MARK1: variants seen among roughly 807,000 people sequenced by gnomAD.
The protein encoded by MARK1 is serine/threonine-protein kinase MARK1.
A neutral mutation model predicts 96.3 loss-of-function variants in MARK1; 40 were observed. The observed-to-expected ratio is 0.42, with a 90% CI of 0.32 to 0.54. MARK1 has a LOEUF of 0.54. Ranked by LOEUF, MARK1 falls within the 20% of genes least tolerant of loss-of-function variation. MARK1 has a pLI of 0.16. For synonymous variants in MARK1, 317 were observed against 341.2 expected, an observed-to-expected ratio of 0.93 and a Z score of 0.78; for missense variants, 719 against 984.6, an observed-to-expected ratio of 0.73 and a Z score of 3.61.
chr1:220,556,649 A>C (rs1375880332), intron 1 of MARK1, among the ~76,000 whole-genome samples: 2 of 152,160 alleles, frequency 1.3e-5, no homozygotes, highest in African/African-American at 4.8e-5. Context: ...TTGTTTAAAA[A>C]GTTTTAAAGG....
chr1:220,581,188 G>A, intron 3 of MARK1, 70 bp downstream of exon 3: 1 of 510,254 alleles, frequency 2.0e-6, no homozygotes, highest in Non-Finnish European at 3.2e-6. Flanking sequence ...TGTAAAATCA[G>A]TCATTCTAAA....
intron 3 of MARK1, among the ~76,000 whole-genome samples, chr1:220,594,242 A>G (rs903507857): frequency 6.6e-6 from 1 of 152,230 alleles, no homozygotes; most frequent in Non-Finnish European, 1.5e-5. Flanking sequence ...CATCAAAGAA[A>G]TTATATAGAT....
intron 1 of MARK1, among the ~76,000 whole-genome samples, chr1:220,540,273 T>C (rs1291494949): frequency 6.6e-6 from 1 of 152,218 alleles, no homozygotes; most frequent in African/African-American, 2.4e-5. Context: ...AGTCTGTGTC[T>C]GAAAGCCCAA....
chr1:220,594,556 A>G (rs1223204250), intron 3 of MARK1, among the ~76,000 whole-genome samples: 1 of 152,224 alleles, frequency 6.6e-6, no homozygotes, highest in Non-Finnish European at 1.5e-5. Context: ...ACGTCCACAC[A>G]GAAACTTGCA....
intron 13 of MARK1, among the ~76,000 whole-genome samples, chr1:220,639,937 C>T (rs950052338): frequency 2.0e-5 from 3 of 152,140 alleles, no homozygotes; most frequent in Non-Finnish European, 4.4e-5. Flanking sequence ...CATTTGTTTT[C>T]AATTTGCATT....
intron 1 of MARK1, among the ~76,000 whole-genome samples, chr1:220,554,836 T>C (rs963109321): frequency 3.3e-5 from 5 of 152,190 alleles, no homozygotes; most frequent in African/African-American, 1.2e-4. Context: ...TGAGTGGAGA[T>C]GTAGTGGGAA....
chr1:220,562,653 G>C (rs1662753229), intron 1 of MARK1, among the ~76,000 whole-genome samples: 1 of 152,034 alleles, frequency 6.6e-6, no homozygotes. Flanking sequence ...CTCCATGTCT[G>C]TGGGGATTGG....
At chr1:220,566,875 G>C (rs1405974927) in intron 1 of MARK1, among the ~76,000 whole-genome samples, 5 of 152,028 alleles carry the variant, frequency 3.3e-5, no homozygotes, top group African/African-American at 9.7e-5. Flanking sequence ...TTGTAAGCTT[G>C]AGAAACTGGT....
chr1:220,620,158 T>C (rs1197169309), intron 9 of MARK1, among the ~76,000 whole-genome samples: 1 of 152,222 alleles, frequency 6.6e-6, no homozygotes, highest in Admixed American at 6.5e-5. Context: ...GAATTATTTG[T>C]TTAAATGTGA....
intron 1 of MARK1, among the ~76,000 whole-genome samples, chr1:220,568,340 C>G (rs1198849865): frequency 2.0e-5 from 3 of 152,072 alleles, no homozygotes; most frequent in Non-Finnish European, 4.4e-5. Context: ...AAACTGATAT[C>G]TGAGAGAAGA....
At chr1:220,581,024 A>G (rs1477632550) in intron 2 of MARK1, 41 bp from the exon 3 acceptor site, 5 of 814,430 alleles carry the variant, frequency 6.1e-6, no homozygotes, top group Non-Finnish European at 7.2e-6. Context: ...TCATTAAAAT[A>G]TGCATTTTTC....
intron 3 of MARK1, among the ~76,000 whole-genome samples, chr1:220,585,225 A>T (rs1664517101): frequency 6.6e-6 from 1 of 152,222 alleles, no homozygotes; most frequent in Non-Finnish European, 1.5e-5. Context: ...ATTAGTGGTC[A>T]GCAAAATGCT....
chr1:220,537,494 A>C (rs1426869374), intron 1 of MARK1, among the ~76,000 whole-genome samples: 1 of 150,310 alleles, frequency 6.7e-6, no homozygotes, highest in East Asian at 1.9e-4. Context: ...TCATTGTTGG[A>C]CATTTGGGTT....
chr1:220,618,283 T>C lies in MARK1; in HGVS notation c.553-27T>C, dbSNP rs1448483133. On this transcript the variant is annotated intron_variant, in intron 7 of 17. Transcript: ENST00000366917. The surrounding 1 kb of genome is among the most constrained non-coding windows in gnomAD (Gnocchi z 4.6). ...TTTTATTTTATGTAGGCTTTTTACATTGTTCTTTCTATTATTTTCCTCTTA... is the reference window on the plus strand; with the variant it reads ...TTTTATTTTATGTAGGCTTTTTACACTGTTCTTTCTATTATTTTCCTCTTA... 3.7e-6 allele frequency: 5 copies of C among 1,364,804 alleles called. No individual in the cohort carries two copies. The highest frequency in any genetic ancestry group is 2.3e-5 in the East Asian group (1 of 43,640). The allele number at this position is 1,364,804 out of a possible 1,614,324, so 84.5% of individuals were successfully genotyped here.
Position 220,618,831 on chromosome 1 carries a change from T to G in MARK1, c.909+76T>G. 7 of 1,298,946 alleles carry G rather than the reference T, an allele frequency of 5.4e-6. No individual in the cohort carries two copies. Among genetic ancestry groups the G allele is most frequent in the Non-Finnish European group, 7.3e-6 (7 of 963,624 alleles). The allele number at this position is 1,298,946 out of a possible 1,614,324, so 80.5% of individuals were successfully genotyped here. On this transcript the variant is annotated intron_variant, in intron 9 of 17. Coordinates refer to ENST00000366917, the MANE Select transcript of MARK1 (RefSeq NM_018650.5). The surrounding 1 kb of genome is among the most constrained non-coding windows in gnomAD (Gnocchi z 4.6). Reference sequence around the variant, plus strand: ...CAGGAACCGAAGAGCATTTTTCTCCTATGTTTTCTTAGGAAAATTGCCAAA... The same window carrying G: ...CAGGAACCGAAGAGCATTTTTCTCCGATGTTTTCTTAGGAAAATTGCCAAA...
rs34036065 is a variant in MARK1 at position 220,658,411 on chromosome 1, AG to A, written c.2033+580del. On this transcript the variant is annotated intron_variant, in intron 17 of 17. Transcript: ENST00000366917. ...AAAAAGGTTGCTGGATCCCACTCCCAGGGTTTCTGATTCAGGGGCCGAGGCA... is the reference window on the plus strand; with the variant it reads ...AAAAAGGTTGCTGGATCCCACTCCCAGGTTTCTGATTCAGGGGCCGAGGCA... Among the ~76,000 whole-genome samples the A allele has an allele frequency of 2.6e-5, 4 of 152,284 alleles. No homozygotes were observed. The South Asian group carries it at 8.3e-4, about 32-fold the overall frequency.
intron 1 of MARK1, among the ~76,000 whole-genome samples, chr1:220,550,271 CT>C (rs1346634810): frequency 6.6e-6 from 1 of 152,136 alleles, no homozygotes; most frequent in Non-Finnish European, 1.5e-5. Flanking sequence ...CTTCTGTTGT[CT>C]TTTCTGAATC....
chr1:220,596,166 T>C (rs1043188570), intron 3 of MARK1, among the ~76,000 whole-genome samples: 39 of 152,152 alleles, frequency 2.6e-4, no homozygotes, highest in African/African-American at 9.2e-4. Flanking sequence ...AGGAGAAACA[T>C]GTAGAGTGAG....
At chr1:220,616,714 T>G (rs1666773029) in intron 7 of MARK1, among the ~76,000 whole-genome samples, 1 of 152,156 alleles carries the variant, frequency 6.6e-6, no homozygotes, top group Non-Finnish European at 1.5e-5. Flanking sequence ...TTCTGTATTT[T>G]AGCTTCATTT....
Sources: gnomAD v4.1 joint callset for allele counts (sites outside exome capture counted in the v4.1 genomes callset) on GRCh38, gnomAD v4.1.1 for gene constraint, Gnocchi (gnomAD v3.1) non-coding constraint, MANE v1.5 for transcripts, NCBI Gene and HGNC (gene_info 2026-07-23, HGNC 2026-07-21) for gene names.